Variants in PTK2 observed in about 807,000 individuals in gnomAD.
PTK2 encodes the protein focal adhesion kinase 1.
Under a neutral mutation model 150.1 loss-of-function variants are expected in PTK2, and 45 were observed. The ratio of observed to expected loss-of-function variants is 0.30; its 90% CI spans 0.24 to 0.38. The LOEUF (loss-of-function observed/expected upper bound fraction) is 0.38. PTK2 is among the 10% of genes least tolerant of loss of function. The pLI is 1.00. For missense variants in PTK2, 919 were observed against 1,307.3 expected (o/e 0.70, Z 4.58); for synonymous variants, 432 against 449.2 (o/e 0.96, Z 0.48).
chr8:140,927,318 G>A (rs1323579090), intron 1 of PTK2: 1 of 152,070 alleles, frequency 6.6e-6, no homozygotes, highest in Admixed American at 6.6e-5. Context: ...CCCTATAAAT[G>A]CAATTTATCC....
intron 26 of PTK2, among the ~76,000 whole-genome samples, chr8:140,692,671 A>G (rs1467552970): frequency 6.6e-6 from 1 of 152,008 alleles, no homozygotes; most frequent in Non-Finnish European, 1.5e-5. Flanking sequence ...GCTTAGCTAC[A>G]GTCTCTACTT....
chr8:140,818,098 G>A (rs2100105833), intron 10 of PTK2, among the ~76,000 whole-genome samples, 179 bp downstream of exon 10: 1 of 152,082 alleles, frequency 6.6e-6, no homozygotes, highest in Non-Finnish European at 1.5e-5. Flanking sequence ...AAGTAATTCC[G>A]AGGTATTTCA....
chr8:140,975,632 A>G (rs921058679), intron 1 of PTK2, among the ~76,000 whole-genome samples: 1 of 152,172 alleles, frequency 6.6e-6, no homozygotes, highest in African/African-American at 2.4e-5. Flanking sequence ...GGAAGAAAAA[A>G]TTAGAGGAAA....
chr8:140,714,384 G>T (rs568480001), intron 23 of PTK2, among the ~76,000 whole-genome samples: 2 of 151,744 alleles, frequency 1.3e-5, no homozygotes, highest in Non-Finnish European at 2.9e-5. Flanking sequence ...TCTGGAGGCC[G>T]AAGCAAAGGG....
At chr8:140,662,719 T>C (rs908711485) in intron 31 of PTK2, 5 of 594,098 alleles carry the variant, frequency 8.4e-6, no homozygotes, top group Admixed American at 6.2e-5. Context: ...AACTGGAACA[T>C]CCCCTGGACA....
At chr8:140,764,722 TGAC>T (rs1402485561) in intron 14 of PTK2, among the ~76,000 whole-genome samples, 1 of 152,212 alleles carries the variant, frequency 6.6e-6, no homozygotes, top group African/African-American at 2.4e-5. Flanking sequence ...CAATTAGACT[TGAC>T]AGCATAATCT....
At chr8:140,969,530 T>C (rs1357750153) in intron 1 of PTK2, among the ~76,000 whole-genome samples, 1 of 152,208 alleles carries the variant, frequency 6.6e-6, no homozygotes, top group Non-Finnish European at 1.5e-5. Flanking sequence ...CAGCTGCAAC[T>C]GACAGGTAAT....
chr8:140,797,430 C>T (rs1309166318), intron 12 of PTK2, among the ~76,000 whole-genome samples: 2 of 152,174 alleles, frequency 1.3e-5, no homozygotes, highest in Admixed American at 1.3e-4. Flanking sequence ...AATTGTGTCG[C>T]TTCAGCAGCA....
intron 13 of PTK2, among the ~76,000 whole-genome samples, chr8:140,791,859 T>C (rs1301806366): frequency 6.6e-6 from 1 of 152,078 alleles, no homozygotes; most frequent in African/African-American, 2.4e-5. Flanking sequence ...ACTTGAAGAA[T>C]AGTATGAGGA....
intron 1 of PTK2, among the ~76,000 whole-genome samples, chr8:140,931,002 C>G (rs1425188818): frequency 7.2e-6 from 1 of 138,284 alleles, no homozygotes; most frequent in East Asian, 2.2e-4. Flanking sequence ...ACCCAGAAGG[C>G]AAAGGTTGCA....
At chr8:140,896,496 A>G (rs1383475277) in intron 2 of PTK2, among the ~76,000 whole-genome samples, 1 of 152,242 alleles carries the variant, frequency 6.6e-6, no homozygotes, top group East Asian at 1.9e-4. Flanking sequence ...AATCAGTGTA[A>G]TTCACCACAT....
intron 1 of PTK2, among the ~76,000 whole-genome samples, chr8:140,926,240 T>C (rs148743935): frequency 0.012 from 1,804 of 152,320 alleles, 29 homozygotes; most frequent in Non-Finnish European, 0.018. Flanking sequence ...AATCCATGTA[T>C]GACACATGAA....
At chr8:140,738,954 T>C in intron 21 of PTK2, 64 bp downstream of exon 24, 1 of 1,019,192 alleles carries the variant, frequency 9.8e-7, no homozygotes, top group Non-Finnish European at 1.3e-6. Flanking sequence ...AAAGAGATAA[T>C]TTTTTTTTGT....
intron 1 of PTK2, among the ~76,000 whole-genome samples, chr8:140,928,574 A>C (rs1265635107): frequency 6.6e-6 from 1 of 152,256 alleles, no homozygotes; most frequent in African/African-American, 2.4e-5. Flanking sequence ...TCCACAAATA[A>C]ACAACATGTG....
intron 1 of PTK2, among the ~76,000 whole-genome samples, chr8:140,955,110 G>A (rs527391184): frequency 6.6e-6 from 1 of 152,290 alleles, no homozygotes; most frequent in East Asian, 1.9e-4. Context: ...GAGGAAGATG[G>A]CAAACAGAAT....
At chr8:140,929,757 C>CT (rs35397973) in intron 1 of PTK2, among the ~76,000 whole-genome samples, 62,287 of 148,778 alleles carry the variant, frequency 0.42, 14,614 homozygotes, top group Non-Finnish European at 0.55. Context: ...GACCCTGGCA[C>CT]TTTTTTTTTT....
At position 140,752,436 on chromosome 8, in the gene PTK2, G is replaced by A. The variant is rs73369970; in HGVS notation, c.1333-120C>T. Reference sequence around the variant, plus strand: ...GTTATGGACCAGACAGAATCAGAACGGCAAAATCTCAAGAATGAGAGGGAT... The same window carrying A: ...GTTATGGACCAGACAGAATCAGAACAGCAAAATCTCAAGAATGAGAGGGAT... On this transcript the variant is annotated intron_variant, in intron 16 of 31. Coordinates refer to ENST00000522684, the Ensembl canonical transcript of PTK2. 5.9e-4 allele frequency: 466 copies of A among 785,052 alleles called. 2 individuals carry two copies. The African/African-American group carries it at 6.4e-3, about 11-fold the overall frequency. The allele number at this position is 785,052 out of a possible 1,614,324, so 48.6% of individuals were successfully genotyped here.
chr8:140,970,723 GA>G (rs1453073287), intron 1 of PTK2, among the ~76,000 whole-genome samples: 3 of 152,164 alleles, frequency 2.0e-5, no homozygotes, highest in African/African-American at 7.2e-5. Context: ...CAACATTGCA[GA>G]TGAAGTCAAA....
At chr8:140,982,318 G>A (rs1252751702) in intron 1 of PTK2, among the ~76,000 whole-genome samples, 3 of 152,258 alleles carry the variant, frequency 2.0e-5, no homozygotes, top group Admixed American at 6.5e-5. Context: ...AGATACGGGG[G>A]CTGGGTGCGG....
Sources: gnomAD v4.1 joint callset for allele counts (sites outside exome capture counted in the v4.1 genomes callset) on GRCh38, gnomAD v4.1.1 for gene constraint, MANE v1.5 for transcripts, NCBI Gene and HGNC (gene_info 2026-07-23, HGNC 2026-07-21) for gene names.